KCNN3: variants seen among roughly 807,000 people sequenced by gnomAD.
KCNN3 encodes small conductance calcium-activated potassium channel protein 3.
In KCNN3, 16 loss-of-function variants were observed where a neutral mutation model predicts 62.9. The ratio of observed to expected loss-of-function variants is 0.25; its 90% CI spans 0.17 to 0.39. The LOEUF is 0.39. Among genes scored for constraint, KCNN3 ranks in the 10% least tolerant of loss-of-function variants. The probability of loss-of-function intolerance (pLI) is 1.00; values close to 1 mark genes in which losing one functional copy is unlikely to be tolerated. For synonymous variants in KCNN3, 370 were observed against 389.2 expected, an observed-to-expected ratio of 0.95 and a Z score of 0.58; for missense variants, 599 against 949.4, an observed-to-expected ratio of 0.63 and a Z score of 4.85.
chr1:154,811,522 G>T (rs1650407010), intron 2 of KCNN3, among the ~76,000 whole-genome samples: 1 of 152,150 alleles, frequency 6.6e-6, no homozygotes, highest in Admixed American at 6.5e-5. Context: ...ACGGACCGCA[G>T]GCTCAGTGTC....
chr1:154,735,070 C>G (rs955254481), intron 3 of KCNN3, among the ~76,000 whole-genome samples: 1 of 152,092 alleles, frequency 6.6e-6, no homozygotes, highest in Non-Finnish European at 1.5e-5. Flanking sequence ...GTCTTAGAGG[C>G]CTTAGAAGAG....
At chr1:154,770,325 G>A (rs985350264) in intron 3 of KCNN3, among the ~76,000 whole-genome samples, 33 of 152,198 alleles carry the variant, frequency 2.2e-4, no homozygotes, top group Non-Finnish European at 3.2e-4. Flanking sequence ...CAGTTTGACC[G>A]TGTGTCTGTT....
At position 154,700,822 on chromosome 1, in the gene KCNN3, T is replaced by C. The variant is rs1699838420; in HGVS notation, c.*7154A>G. ...CATCTCAAAATAATAATAATAATAA[T>C]TTTAAAAAAGAAAAAATCATTTAGT... On this transcript the variant is annotated 3_prime_UTR_variant, in exon 8 of 8. Coordinates refer to ENST00000271915, the MANE Select transcript of KCNN3 (RefSeq NM_002249.6). The C allele has an allele frequency of 6.6e-6, 1 of 151,690 alleles. No individual in the cohort carries two copies. The highest frequency in any genetic ancestry group is 1.5e-5 in the Non-Finnish European group (1 of 67,948). The allele number at this position is 151,690 out of a possible 1,614,324, so 9.4% of individuals were successfully genotyped here. A position where few individuals can be genotyped will look rare whatever the true frequency, so the allele number is the denominator to read the frequency against.
At chr1:154,785,921 A>G (rs996245056) in intron 2 of KCNN3, among the ~76,000 whole-genome samples, 13 of 152,100 alleles carry the variant, frequency 8.5e-5, no homozygotes, top group Non-Finnish European at 1.8e-4. Context: ...TTTTCTTTAC[A>G]TCAACTCTTT....
chr1:154,789,132 C>G (rs147928848), intron 2 of KCNN3, among the ~76,000 whole-genome samples: 1 of 152,154 alleles, frequency 6.6e-6, no homozygotes, highest in Non-Finnish European at 1.5e-5. Flanking sequence ...CGGGGGAATC[C>G]GTTTCCTTGC....
intron 2 of KCNN3, among the ~76,000 whole-genome samples, chr1:154,794,838 C>T (rs1571283090): frequency 6.6e-6 from 1 of 152,178 alleles, no homozygotes; most frequent in East Asian, 1.9e-4. Context: ...ATGGATGCAG[C>T]ATGGGAACCC....
Position 154,706,314 on chromosome 1 carries a change from A to T in KCNN3, c.*1662T>A, listed in dbSNP as rs1699964463. 6.6e-6 allele frequency: 1 copy of T among 152,226 alleles called. No homozygotes were observed. The highest frequency in any genetic ancestry group is 1.5e-5 in the Non-Finnish European group (1 of 68,042). The allele number at this position is 152,226 out of a possible 1,614,324, so 9.4% of individuals were successfully genotyped here. On this transcript the variant is annotated 3_prime_UTR_variant, in exon 8 of 8. Coordinates refer to ENST00000271915, the MANE Select transcript of KCNN3 (RefSeq NM_002249.6). ...CAGAATGGTGATGATGTCTTCTTAC[A>T]AAGGTAAACCCAAGATGACAACCAC...
rs375284377 is a variant in KCNN3 at position 154,859,636 on chromosome 1, G to A, written c.933+9396C>T. On this transcript the variant is annotated intron_variant, in intron 1 of 7. Coordinates refer to ENST00000271915, the MANE Select transcript of KCNN3 (RefSeq NM_002249.6). ...AGCAAGGTTCAATGGCTCAAGCCAG[G>A]CAACAGGTCATCTGCTTCCTCCTCC... is the stretch of plus-strand genomic sequence containing the variant. The A allele has an allele frequency of 6.8e-3, 10,542 of 1,541,792 alleles. 63 individuals are homozygous for A. The highest frequency in any genetic ancestry group is 0.013 in the South Asian group (1,126 of 89,680).
At chr1:154,786,839 T>C (rs1479632980) in intron 2 of KCNN3, among the ~76,000 whole-genome samples, 1 of 152,248 alleles carries the variant, frequency 6.6e-6, no homozygotes, top group East Asian at 1.9e-4. Flanking sequence ...CAATAAAGTA[T>C]TTTTTAAAAG....
chr1:154,794,311 A>T lies in KCNN3; in HGVS notation c.1030-21918T>A, dbSNP rs543564789. ...AGAGACCATGTCTGTTTCTATGTCC[A>T]TGTTTTCCCCAGAGCTTGCCCTTAA... On this transcript the variant is annotated intron_variant, in intron 2 of 7. Coordinates refer to ENST00000271915, the MANE Select transcript of KCNN3 (RefSeq NM_002249.6). Among the ~76,000 whole-genome samples, 3 of 152,340 alleles carry T rather than the reference A, an allele frequency of 2.0e-5. No homozygotes were observed. In the South Asian group the frequency reaches 6.2e-4, roughly 32 times the overall value.
At chr1:154,819,473 G>A (rs1650803729) in intron 2 of KCNN3, among the ~76,000 whole-genome samples, 1 of 152,172 alleles carries the variant, frequency 6.6e-6, no homozygotes, top group South Asian at 2.1e-4. Context: ...TGTCCCTGAG[G>A]TAGGGAAGAA....
chr1:154,731,045 G>C (rs983775505), intron 4 of KCNN3, among the ~76,000 whole-genome samples: 3 of 152,184 alleles, frequency 2.0e-5, no homozygotes, highest in African/African-American at 7.2e-5. Flanking sequence ...GCTATGTGCT[G>C]AGAGGGGAAA....
chr1:154,775,160 G>A (rs1257201031), intron 2 of KCNN3, among the ~76,000 whole-genome samples: 1 of 152,236 alleles, frequency 6.6e-6, no homozygotes, highest in African/African-American at 2.4e-5. Flanking sequence ...CTGCTTCAAA[G>A]TTAGTCACCA....
At chr1:154,864,293 A>T (rs1201382522) in intron 1 of KCNN3, among the ~76,000 whole-genome samples, 1 of 152,232 alleles carries the variant, frequency 6.6e-6, no homozygotes, top group Non-Finnish European at 1.5e-5. Context: ...TCTCAAAAAT[A>T]CCAGGACACT....
chr1:154,783,248 T>A (rs528876163), intron 2 of KCNN3, among the ~76,000 whole-genome samples: 29 of 151,464 alleles, frequency 1.9e-4, no homozygotes, highest in Admixed American at 9.9e-4. Flanking sequence ...GAAAGAAAAC[T>A]CAAGCCCACC....
chr1:154,798,855 C>A (rs1021651452), intron 2 of KCNN3, among the ~76,000 whole-genome samples: 3 of 151,894 alleles, frequency 2.0e-5, no homozygotes, highest in Non-Finnish European at 2.9e-5. Flanking sequence ...ATACTGTGGG[C>A]AGACTGGTGA....
chr1:154,838,280 T>C (rs1344441922), intron 1 of KCNN3, among the ~76,000 whole-genome samples: 1 of 152,168 alleles, frequency 6.6e-6, no homozygotes, highest in African/African-American at 2.4e-5. Context: ...AGATCTAGAA[T>C]TTAGAGCTAG....
intron 5 of KCNN3, among the ~76,000 whole-genome samples, chr1:154,723,990 G>T (rs1220275736): frequency 6.6e-6 from 1 of 152,182 alleles, no homozygotes; most frequent in Non-Finnish European, 1.5e-5. Flanking sequence ...CACTGCCATC[G>T]TGATGTGACA....
At chr1:154,824,106 C>G (rs1651011491) in intron 1 of KCNN3, among the ~76,000 whole-genome samples, 2 of 152,196 alleles carry the variant, frequency 1.3e-5, no homozygotes, top group African/African-American at 4.8e-5. Context: ...CAACAGTGTG[C>G]TAGATTCTAT....
Sources: gnomAD v4.1 joint callset for allele counts (sites outside exome capture counted in the v4.1 genomes callset) on GRCh38, gnomAD v4.1.1 for gene constraint, MANE v1.5 for transcripts, NCBI Gene and HGNC (gene_info 2026-07-23, HGNC 2026-07-21) for gene names.